Variants in UST observed in about 807,000 individuals in gnomAD.
UST encodes the protein uronyl 2-sulfotransferase.
In UST, 21 loss-of-function variants were observed where a neutral mutation model predicts 45.6. The observed-to-expected ratio is 0.46, with a 90% CI of 0.33 to 0.66. UST has a LOEUF of 0.66. UST is among the 30% of genes least tolerant of loss of function. UST has a pLI of 0.02. For missense variants in UST, 463 were observed against 512.4 expected, an observed-to-expected ratio of 0.90 and a Z score of 0.93; for synonymous variants, 215 against 200.6, an observed-to-expected ratio of 1.07 and a Z score of -0.61.
chr6:148,948,499 T>C (rs1780293581), intron 3 of UST, among the ~76,000 whole-genome samples: 1 of 152,256 alleles, frequency 6.6e-6, no homozygotes, highest in African/African-American at 2.4e-5. Flanking sequence ...AATTACTTAC[T>C]GATATGCTGT....
intron 1 of UST, among the ~76,000 whole-genome samples, chr6:148,828,473 A>G (rs977146434): frequency 3.3e-5 from 5 of 152,152 alleles, no homozygotes; most frequent in Non-Finnish European, 7.3e-5. Flanking sequence ...TAGGTTTTAA[A>G]AACCTATGTT....
At position 149,073,985 on chromosome 6, in the gene UST, C is replaced by T; in HGVS notation, c.1090C>T (p.Leu364Phe). ...QFHLLKRKFG[L>F]KSHVSKPPLR... is the part of the protein sequence containing the mutation. ...CCACCTGCTGAAGCGCAAGTTTGGA[C>T]TTAAGTCTCACGTCAGCAAGCCCCC... The change falls in exon 8 of 8, where the codon CTT becomes TTT. Residue 364 changes from leucine to phenylalanine, a missense_variant. By Grantham distance (22) the Leu-to-Phe change is conservative. Coordinates refer to ENST00000367463, the MANE Select transcript of UST (RefSeq NM_005715.3). 6.2e-7 allele frequency: 1 copy of T among 1,614,206 alleles called. No individual in the cohort carries two copies. The highest frequency in any genetic ancestry group is 1.1e-5 in the South Asian group (1 of 91,084).
At position 148,917,161 on chromosome 6, in the gene UST, C is replaced by T. The variant is rs554320379; in HGVS notation, c.292-24118C>T. ...ACAGTGGCCTGGGGAGGAAAGGCTG[C>T]TTAGGGCAGCAGCACCCCCCCACCC... On this transcript the variant is annotated intron_variant, in intron 2 of 7. Transcript: ENST00000367463. Among the ~76,000 whole-genome samples, 10 of 152,338 alleles carry T rather than the reference C, an allele frequency of 6.6e-5. 1 individual carries two copies. The South Asian group carries it at 2.1e-3, about 32-fold the overall frequency.
chr6:149,063,242 G>A (rs1020805443), intron 7 of UST, among the ~76,000 whole-genome samples: 2 of 152,116 alleles, frequency 1.3e-5, no homozygotes, highest in Non-Finnish European at 2.9e-5. Flanking sequence ...TAAATAGAAA[G>A]CTCAAAGTTT....
intron 1 of UST, among the ~76,000 whole-genome samples, chr6:148,768,389 A>G (rs1052429412): frequency 6.6e-6 from 1 of 152,198 alleles, no homozygotes; most frequent in Non-Finnish European, 1.5e-5. Context: ...TAACCCTTTG[A>G]CATACATGCA....
chr6:148,955,493 A>G (rs571152728), intron 4 of UST: 1 of 152,240 alleles, frequency 6.6e-6, no homozygotes, highest in Non-Finnish European at 1.5e-5. Context: ...GACTCCTGCA[A>G]ATTTTCCACA....
intron 1 of UST, among the ~76,000 whole-genome samples, chr6:148,866,059 A>G (rs1047794344): frequency 4.6e-5 from 7 of 151,978 alleles, no homozygotes; most frequent in Admixed American, 2.6e-4. Flanking sequence ...ATACATATAC[A>G]TATTGGGGAA....
intron 1 of UST, among the ~76,000 whole-genome samples, chr6:148,878,423 C>T (rs1778751596): frequency 4.6e-5 from 2 of 43,562 alleles, no homozygotes; most frequent in South Asian, 7.1e-4. Context: ...GTGGGGGGGT[C>T]GTGTATGAGT....
At chr6:149,020,589 C>CAACA (rs1775963312) in intron 6 of UST, among the ~76,000 whole-genome samples, 1 of 152,174 alleles carries the variant, frequency 6.6e-6, no homozygotes, top group African/African-American at 2.4e-5. Flanking sequence ...ACAGTCTTTA[C>CAACA]AACAATGCTT....
chr6:148,945,717 CTGTT>C (rs1256841269), intron 3 of UST, among the ~76,000 whole-genome samples: 3 of 152,196 alleles, frequency 2.0e-5, no homozygotes, highest in African/African-American at 4.8e-5. Context: ...TGCAAACAAA[CTGTT>C]TGACTGGATT....
rs546386556 is a variant in UST, at chr6:148,755,392, A to G, written c.247+7715A>G. Among the ~76,000 whole-genome samples, 36 of 152,382 alleles carry G rather than the reference A, an allele frequency of 2.4e-4. No individual in the cohort carries two copies. The South Asian group carries it at 5.0e-3, about 21-fold the overall frequency. ...GAAAATTTTAGTAGGTTTCAAAAATATATATAATCAAAATAAGAAGCTCTA... is the reference window on the plus strand; with the variant it reads ...GAAAATTTTAGTAGGTTTCAAAAATGTATATAATCAAAATAAGAAGCTCTA... On this transcript the variant is annotated intron_variant, in intron 1 of 7. Coordinates refer to ENST00000367463, the MANE Select transcript of UST (RefSeq NM_005715.3).
In UST at chr6:148,748,398, CTTGTGTGTGTGTGTGTGTGTGT is replaced by C. The variant is rs1775919228; in HGVS notation, c.247+722_247+743del. Among the ~76,000 whole-genome samples, 2 of 116,144 alleles carry C rather than the reference CTTGTGTGTGTGTGTGTGTGTGT, an allele frequency of 1.7e-5. No homozygotes were observed. The highest frequency in any genetic ancestry group is 7.0e-5 in the African/African-American group (2 of 28,542). 76.2% of individuals were successfully genotyped at this position (116,144 alleles called of 152,430 possible). A position where few individuals can be genotyped will look rare whatever the true frequency, so the allele number is the denominator to read the frequency against. On this transcript the variant is annotated intron_variant, in intron 1 of 7. Coordinates refer to ENST00000367463, the MANE Select transcript of UST (RefSeq NM_005715.3). The surrounding 1 kb of genome is among the most constrained non-coding windows in gnomAD (Gnocchi z 5.3). Reference sequence around the variant, plus strand: ...TGTGCGTCTCAAGCTCAAGTCAAAACTTGTGTGTGTGTGTGTGTGTGTGTGTGTGTGTGTGTGTGTGTGTGTG... The same window carrying C: ...TGTGCGTCTCAAGCTCAAGTCAAAACGTGTGTGTGTGTGTGTGTGTGTGTG...
At chr6:148,891,814 A>C (rs1223885884) in intron 2 of UST, among the ~76,000 whole-genome samples, 1 of 152,260 alleles carries the variant, frequency 6.6e-6, no homozygotes, top group African/African-American at 2.4e-5. Flanking sequence ...TTGGGTTCAA[A>C]GGACACTTAA....
chr6:148,986,292 A>G (rs1224645383), intron 5 of UST, among the ~76,000 whole-genome samples: 1 of 152,216 alleles, frequency 6.6e-6, no homozygotes, highest in Non-Finnish European at 1.5e-5. Flanking sequence ...TAATTCTTAC[A>G]GCATCCCCCT....
At position 149,073,944 on chromosome 6, in the gene UST, A is replaced by G; in HGVS notation, c.1049A>G (p.Tyr350Cys). Residue 350 changes from tyrosine (Y) to cysteine (C), a missense_variant, in exon 8 of 8, where the codon TAC becomes TGC. By Grantham distance (194) the Tyr-to-Cys change is radical. Around this residue, in one of 2 missense-constraint regions of UST, gnomAD observed 287 missense variants for 374.2 expected, o/e 0.77. Coordinates refer to ENST00000367463, the MANE Select transcript of UST (RefSeq NM_005715.3). ...AGATACGAGTACGAGTTTTACCACT[A>G]CGTCAAAGAGCAGTTCCACCTGCTG... ...RMRYEYEFYHYVKEQFHLLKR... is the reference protein window; with the variant it reads ...RMRYEYEFYHCVKEQFHLLKR... 2 of 1,614,142 alleles carry G rather than the reference A, an allele frequency of 1.2e-6. No individual in the cohort carries two copies. Among genetic ancestry groups the G allele is most frequent in the Non-Finnish European group, 1.7e-6 (2 of 1,180,012 alleles).
intron 1 of UST, among the ~76,000 whole-genome samples, chr6:148,792,789 A>T (rs892172698): frequency 6.6e-6 from 1 of 152,246 alleles, no homozygotes; most frequent in Non-Finnish European, 1.5e-5. Flanking sequence ...TTAATGTTAC[A>T]TGAATAGGAA....
chr6:148,986,547 T>C (rs1177073851), intron 5 of UST, among the ~76,000 whole-genome samples: 1 of 152,254 alleles, frequency 6.6e-6, no homozygotes, highest in East Asian at 1.9e-4. Flanking sequence ...GAAATCTGCA[T>C]ATGCTACACA....
intron 1 of UST, among the ~76,000 whole-genome samples, chr6:148,807,446 A>C (rs557183140): frequency 6.6e-6 from 1 of 152,138 alleles, no homozygotes; most frequent in Non-Finnish European, 1.5e-5. Context: ...AAGTTCCCTG[A>C]GCTTTTGTTT....
At chr6:149,048,977 C>G (rs532889070) in intron 7 of UST, among the ~76,000 whole-genome samples, 1 of 152,130 alleles carries the variant, frequency 6.6e-6, no homozygotes, top group Non-Finnish European at 1.5e-5. Context: ...ATCTTAAAAG[C>G]CTTCAAAATG....
Sources: gnomAD v4.1 joint callset for allele counts (sites outside exome capture counted in the v4.1 genomes callset) on GRCh38, gnomAD v4.1.1 for gene constraint, gnomAD v4.1.1 regional missense constraint, Gnocchi (gnomAD v3.1) non-coding constraint, MANE v1.5 for transcripts, NCBI Gene and HGNC (gene_info 2026-07-23, HGNC 2026-07-21) for gene names.